The following TENM1 variants were observed in gnomAD, a reference collection of about 807,000 sequenced individuals.
The protein encoded by TENM1 is teneurin-1.
A neutral mutation model predicts 174.8 loss-of-function variants in TENM1; 35 were observed. That is an observed-to-expected ratio of 0.20 (90% CI 0.15 to 0.27). The LOEUF (loss-of-function observed/expected upper bound fraction) is 0.27, where lower values mean the gene tolerates loss of function less well. Ranked by LOEUF, TENM1 falls within the 10% of genes least tolerant of loss-of-function variation. The pLI is 1.00. For synonymous variants in TENM1, 781 were observed against 798.7 expected, an observed-to-expected ratio of 0.98 and a Z score of 0.37; for missense variants, 1,633 against 2,130.1, an observed-to-expected ratio of 0.77 and a Z score of 4.59.
chrX:124,752,521 C>T (rs1226045074), intron 3 of TENM1, among the ~76,000 whole-genome samples: 1 of 111,710 alleles, frequency 9.0e-6, no homozygotes, highest in African/African-American at 3.3e-5. Flanking sequence ...TCAATTTTGG[C>T]TTTCGTTGCC....
chrX:124,780,092 A>G (rs1255788304), intron 3 of TENM1, among the ~76,000 whole-genome samples: 2 of 112,036 alleles, frequency 1.8e-5, no homozygotes, highest in Non-Finnish European at 3.8e-5. Flanking sequence ...TTAAACCACA[A>G]GGTCTAAATT....
the TENM1 span, among the ~76,000 whole-genome samples, chrX:125,059,230 T>C: frequency 9.0e-6 from 1 of 111,505 alleles, no homozygotes; most frequent in Non-Finnish European, 1.9e-5. Flanking sequence ...AGATTTGTGA[T>C]GATTTATTTT....
intron 15 of TENM1, among the ~76,000 whole-genome samples, chrX:124,541,444 G>A (rs769701738): frequency 1.8e-5 from 2 of 111,518 alleles, no homozygotes; most frequent in South Asian, 3.8e-4. Flanking sequence ...TCTCTTTCTC[G>A]CTCTTGCTTT....
chrX:124,922,684 C>T (rs757951347), intron 1 of TENM1, among the ~76,000 whole-genome samples: 4 of 110,830 alleles, frequency 3.6e-5, no homozygotes, highest in Non-Finnish European at 7.6e-5. Context: ...ATATTTTTTA[C>T]TTGCAGCTCT....
At chrX:124,983,319 T>A in the TENM1 span, among the ~76,000 whole-genome samples, 1 of 112,127 alleles carries the variant, frequency 8.9e-6, no homozygotes, top group Non-Finnish European at 1.9e-5. Flanking sequence ...CTGCCATTGT[T>A]GCGATCATTA....
chrX:124,706,570 T>C (rs1435098866), intron 4 of TENM1, among the ~76,000 whole-genome samples: 2 of 112,111 alleles, frequency 1.8e-5, no homozygotes, highest in Non-Finnish European at 3.8e-5. Flanking sequence ...GCTACTGTCA[T>C]GTTTGAATTA....
the TENM1 span, among the ~76,000 whole-genome samples, chrX:125,123,820 C>T: frequency 3.6e-5 from 4 of 112,547 alleles, no homozygotes; most frequent in Non-Finnish European, 7.5e-5. Context: ...AAAATGCATA[C>T]TTTTACCTTG....
At chrX:124,637,153 G>A (rs1270926140) in intron 11 of TENM1, among the ~76,000 whole-genome samples, 3 of 106,367 alleles carry the variant, frequency 2.8e-5, no homozygotes, top group African/African-American at 1.0e-4. Context: ...GCAGTGGCAC[G>A]ATCTCAGCTC....
At chrX:124,907,172 A>G (rs1431629578) in intron 1 of TENM1, among the ~76,000 whole-genome samples, 1 of 112,361 alleles carries the variant, frequency 8.9e-6, no homozygotes, top group Non-Finnish European at 1.9e-5. Flanking sequence ...CACTGGGAAC[A>G]ATGAAACAAA....
intron 3 of TENM1, among the ~76,000 whole-genome samples, chrX:124,809,906 A>C (rs1044630322): frequency 4.7e-5 from 5 of 107,340 alleles, no homozygotes; most frequent in Non-Finnish European, 7.7e-5. Context: ...CACTTATCAA[A>C]ATGACCAGAT....
Position 124,739,333 on chromosome X carries a change from G to A in TENM1, c.536-2136C>T, listed in dbSNP as rs1364421796. On this transcript the variant is annotated intron_variant, in intron 3 of 31. Coordinates refer to ENST00000422452, the Ensembl canonical transcript of TENM1. ...ATAAAAGTATAAAACTATAAGGCTG[G>A]AAGAAATCATAGGGATCACCTAGTT... Among the ~76,000 whole-genome samples the A allele has an allele frequency of 2.7e-5, 3 of 111,596 alleles. No homozygotes were observed. In the Admixed American group the frequency reaches 2.8e-4, roughly 11 times the overall value.
At chrX:125,168,722 A>G in the TENM1 span, among the ~76,000 whole-genome samples, 1 of 110,838 alleles carries the variant, frequency 9.0e-6, no homozygotes, top group Non-Finnish European at 1.9e-5. Context: ...ACAAACTGCC[A>G]TGAATTCTAC....
At chrX:124,386,678 A>T (rs1346518574) in intron 28 of TENM1, among the ~76,000 whole-genome samples, 1 of 110,970 alleles carries the variant, frequency 9.0e-6, no homozygotes, top group Non-Finnish European at 1.9e-5. Flanking sequence ...TTTGGATTCA[A>T]GTATGTTGGC....
chrX:124,871,133 C>A (rs2057101326), intron 3 of TENM1, among the ~76,000 whole-genome samples: 1 of 111,731 alleles, frequency 9.0e-6, no homozygotes, highest in Admixed American at 9.6e-5. Context: ...ACCCACTGAC[C>A]ATCTTCTCCC....
chrX:125,067,460 G>C, the TENM1 span, among the ~76,000 whole-genome samples: 7 of 111,189 alleles, frequency 6.3e-5, no homozygotes, highest in Admixed American at 6.7e-4. Context: ...TTGACAGAGC[G>C]AGGGAAATAT....
the TENM1 span, among the ~76,000 whole-genome samples, chrX:125,028,388 A>G: frequency 8.9e-6 from 1 of 112,345 alleles, no homozygotes; most frequent in East Asian, 2.8e-4. Context: ...ACAGTAAAAC[A>G]TACATAGAAA....
chrX:125,070,123 C>T, the TENM1 span, among the ~76,000 whole-genome samples: 62 of 109,501 alleles, frequency 5.7e-4, no homozygotes, highest in Middle Eastern at 4.7e-3. Flanking sequence ...CTTAAAAATT[C>T]GAGGCTGTAG....
At position 124,855,205 on chromosome X, in the gene TENM1, C is replaced by G. The variant is rs764879547; in HGVS notation, c.535+39091G>C. The stretch of plus-strand genomic sequence containing the variant: ...TCGCATTTGACAACAGGGATCTAAG[C>G]TTTTATGTATTTACTTTCATAAGTC... On this transcript the variant is annotated intron_variant, in intron 3 of 31. Transcript: ENST00000422452. Among the ~76,000 whole-genome samples the G allele has an allele frequency of 2.7e-5, 3 of 111,690 alleles. No homozygotes were observed. In the Admixed American group the frequency reaches 2.9e-4, roughly 11 times the overall value.
chrX:124,633,042 A>T (rs745307835), intron 11 of TENM1, among the ~76,000 whole-genome samples: 2 of 112,116 alleles, frequency 1.8e-5, no homozygotes, highest in Non-Finnish European at 3.8e-5. Flanking sequence ...TCTCCATAGG[A>T]TCTCTCATAT....
Sources: allele counts gnomAD v4.1 joint callset (sites outside exome capture counted in the v4.1 genomes callset), GRCh38; gene constraint gnomAD v4.1.1; transcripts MANE v1.5; gene names NCBI Gene and HGNC (gene_info 2026-07-23, HGNC 2026-07-21).